The following CD163L1 variants were observed in gnomAD, a reference collection of about 807,000 sequenced individuals.
CD163L1 encodes CD163 molecule like 1.
In CD163L1, 124 loss-of-function variants were observed where a neutral mutation model predicts 165.4. The observed-to-expected ratio is 0.75, with a 90% CI of 0.65 to 0.87. The LOEUF (loss-of-function observed/expected upper bound fraction) is 0.87. Ranked by LOEUF, CD163L1 falls within the 40% of genes least tolerant of loss-of-function variation. The pLI is 0.00. For synonymous variants in CD163L1, 585 were observed against 662.2 expected (o/e 0.88, Z 1.79); for missense variants, 1,525 against 1,799.9 (o/e 0.85, Z 2.76).
At chr12:7,441,384 A>T (rs1379539586) in intron 1 of CD163L1, 138 bp from the exon 2 acceptor site, 1 of 631,260 alleles carries the variant, frequency 1.6e-6, no homozygotes, top group Non-Finnish European at 2.7e-6. Context: ...ACCGCACAAG[A>T]AAGTCCTTTT....
the CD163L1 span, chr12:7,324,228 C>G: frequency 1.2e-6 from 2 of 1,604,106 alleles, no homozygotes; most frequent in Admixed American, 1.7e-5. Flanking sequence ...ATACCCATCT[C>G]TGTTCTGACC....
chr12:7,386,460 C>A (rs1199114811), intron 8 of CD163L1, among the ~76,000 whole-genome samples: 1 of 151,914 alleles, frequency 6.6e-6, no homozygotes, highest in Non-Finnish European at 1.5e-5. Flanking sequence ...TTCTTCCTAA[C>A]TCATCCTAGG....
intron 6 of CD163L1, among the ~76,000 whole-genome samples, chr12:7,401,673 A>C (rs1947917906): frequency 6.6e-6 from 1 of 152,134 alleles, no homozygotes; most frequent in African/African-American, 2.4e-5. Flanking sequence ...ATAGATTAGT[A>C]ATGGCCATGT....
chr12:7,373,481 C>T lies in CD163L1; in HGVS notation c.3569G>A (p.Gly1190Glu). 6.2e-7 allele frequency: 1 copy of T among 1,614,216 alleles called. No individual in the cohort carries two copies. The highest frequency in any genetic ancestry group is 8.5e-7 in the Non-Finnish European group (1 of 1,180,024). ...VCRQLGCGEN[G>E]VVSLAPLSKT... Reference sequence around the variant, plus strand: ...AGATAAAGGGGCGAGGCTGACAACTCCATTCTCCCCACAGCCCAGCTGCCT... The same window carrying T: ...AGATAAAGGGGCGAGGCTGACAACTTCATTCTCCCCACAGCCCAGCTGCCT... Residue 1190 changes from glycine to glutamate, a missense_variant, in exon 14 of 20, where the codon GGA becomes GAA. Coordinates refer to ENST00000313599, the MANE Select transcript of CD163L1 (RefSeq NM_174941.6).
downstream of CD163L1, among the ~76,000 whole-genome samples, chr12:7,342,379 C>A (rs1946643063): frequency 6.6e-6 from 1 of 152,192 alleles, no homozygotes; most frequent in South Asian, 2.1e-4. Context: ...TATTTTGGCC[C>A]ATCCCTTTGT....
At chr12:7,420,618 A>G (rs1948329776) in intron 4 of CD163L1, among the ~76,000 whole-genome samples, 1 of 152,068 alleles carries the variant, frequency 6.6e-6, no homozygotes, top group Non-Finnish European at 1.5e-5. Context: ...TCTCAACATC[A>G]CTCATGATCA....
chr12:7,396,332 C>G lies in CD163L1; in HGVS notation c.1813G>C (p.Gly605Arg), dbSNP rs779462049. Residue 605 changes from glycine (G) to arginine (R), a missense_variant, in exon 8 of 20, where the codon GGC becomes CGC. By Grantham distance (125) the Gly-to-Arg change is moderately radical (BLOSUM62 -2). Coordinates refer to ENST00000313599, the MANE Select transcript of CD163L1 (RefSeq NM_174941.6). ...RLEVYFQGRW[G>R]TVCDDGWNSK... ...TTCCAGCCGTCATCACACACTGTGC[C>G]CCACCGTCCTTGAAAGTACACCTCC... 12 of 1,614,002 alleles carry G rather than the reference C, an allele frequency of 7.4e-6. No homozygotes were observed. The highest frequency in any genetic ancestry group is 1.3e-5 in the African/African-American group (1 of 74,924).
chr12:7,358,230 T>G (rs1202655954), intron 18 of CD163L1, among the ~76,000 whole-genome samples: 1 of 152,126 alleles, frequency 6.6e-6, no homozygotes, highest in Non-Finnish European at 1.5e-5. Context: ...ATTGACAAAT[T>G]GCTGTAGGCT....
intron 4 of CD163L1, among the ~76,000 whole-genome samples, chr12:7,408,532 A>C (rs1948074516): frequency 6.6e-6 from 1 of 152,206 alleles, no homozygotes; most frequent in Non-Finnish European, 1.5e-5. Context: ...TGATACCTAT[A>C]TACAGTGTGA....
rs1947213713 is a variant in CD163L1, at chr12:7,374,506, G to A, written c.3345C>T (p.Cys1115=). 1 of 1,614,078 alleles carries A rather than the reference G, an allele frequency of 6.2e-7. No individual in the cohort carries two copies. Among genetic ancestry groups the A allele is most frequent in the South Asian group, 1.1e-5 (1 of 91,088 alleles). The change falls in exon 13 of 20, where the codon TGC becomes TGT. Residue 1115 remains cysteine (C), a synonymous_variant. Transcript: ENST00000313599. This position sits in a 1 kb window ranked among gnomAD's most constrained non-coding sequence, Gnocchi z 5.4. ...CGTGCTGCCCCCAGCCGCGGGAAGG[G>A]CACTGCCACAAGTGGGACTCCATTC... ...CTGMESHLWQ[C]PSRGWGQHDC...
At chr12:7,357,674 C>T (rs1946806011) in intron 18 of CD163L1, 188 bp from the exon 19 acceptor site, 1 of 401,444 alleles carries the variant, frequency 2.5e-6, no homozygotes, top group East Asian at 3.7e-5. Flanking sequence ...AAGGATAAAC[C>T]ATTAAGTGTT....
rs957598750 is a variant in CD163L1 at position 7,369,698 on chromosome 12, C to T, written c.3731-33G>A. ...GGCACAAAACATGGCTGTCTTTACTCCTGAAGGAGGTTGTGGGAGAATGCT... is the reference window on the plus strand; with the variant it reads ...GGCACAAAACATGGCTGTCTTTACTTCTGAAGGAGGTTGTGGGAGAATGCT... On this transcript the variant is annotated intron_variant, in intron 14 of 19. Transcript: ENST00000313599. The surrounding 1 kb of genome is among the most constrained non-coding windows in gnomAD (Gnocchi z 4.9). The T allele has an allele frequency of 2.2e-5, 35 of 1,582,192 alleles. No individual in the cohort carries two copies. The highest frequency in any genetic ancestry group is 3.0e-5 in the Non-Finnish European group (35 of 1,157,724).
At chr12:7,328,217 T>G in the CD163L1 span, 1 of 1,209,976 alleles carries the variant, frequency 8.3e-7, no homozygotes, top group Non-Finnish European at 1.2e-6. Flanking sequence ...CCATGCAAGC[T>G]CCTTCCTATC....
intron 6 of CD163L1, among the ~76,000 whole-genome samples, chr12:7,399,603 T>A (rs1418078547): frequency 7.2e-6 from 1 of 138,020 alleles, no homozygotes; most frequent in African/African-American, 2.6e-5. Flanking sequence ...TCTTTCTTTT[T>A]CTTTCCTTTC....
chr12:7,437,452 A>G (rs966850452), intron 2 of CD163L1, among the ~76,000 whole-genome samples: 3 of 151,776 alleles, frequency 2.0e-5, no homozygotes, highest in Admixed American at 6.6e-5. Context: ...TATCATTTAC[A>G]TTAGGTATTT....
At chr12:7,423,784 A>G (rs754241539) in intron 4 of CD163L1, among the ~76,000 whole-genome samples, 1 of 152,280 alleles carries the variant, frequency 6.6e-6, no homozygotes, top group Non-Finnish European at 1.5e-5. Context: ...ACCAGGAAGA[A>G]GTTGAATCCC....
intron 9 of CD163L1, among the ~76,000 whole-genome samples, chr12:7,377,310 C>T (rs897564985): frequency 1.3e-5 from 2 of 152,148 alleles, no homozygotes; most frequent in Non-Finnish European, 2.9e-5. Flanking sequence ...CCCATAAACA[C>T]TCTGGATTCT....
At chr12:7,344,091 G>T (rs6488073), downstream of CD163L1, among the ~76,000 whole-genome samples, 137,411 of 148,884 alleles carry the variant, frequency 0.92, 63,616 homozygotes, top group East Asian at 0.99. Context: ...TTTTTTGTTT[G>T]TTTTTTTTGA....
intron 4 of CD163L1, among the ~76,000 whole-genome samples, chr12:7,420,714 G>T (rs950027156): frequency 6.6e-6 from 1 of 151,792 alleles, no homozygotes; most frequent in East Asian, 1.9e-4. Flanking sequence ...TGGTTTCAAT[G>T]TGGTGAAAAG....
Sources: allele counts gnomAD v4.1 joint callset (sites outside exome capture counted in the v4.1 genomes callset), GRCh38; gene constraint gnomAD v4.1.1; non-coding constraint Gnocchi (gnomAD v3.1); transcripts MANE v1.5; gene names NCBI Gene and HGNC (gene_info 2026-07-23, HGNC 2026-07-21).